Variants in SIK3 observed in about 807,000 individuals in gnomAD.
The protein encoded by SIK3 is serine/threonine-protein kinase SIK3.
SIK3 carries 28 observed loss-of-function variants against 144.2 expected under a neutral mutation model. That is an observed-to-expected ratio of 0.19 (90% CI 0.14 to 0.27). The LOEUF is 0.27. Among genes scored for constraint, SIK3 ranks in the 10% least tolerant of loss-of-function variants. The pLI, the probability that SIK3 is intolerant of heterozygous loss-of-function variation, is 1.00. For synonymous variants in SIK3, 686 were observed against 676.3 expected (o/e 1.01, Z -0.22); for missense variants, 1,319 against 1,776.0 (o/e 0.74, Z 4.62).
At chr11:117,074,664 T>C (rs1300239257) in intron 1 of SIK3, among the ~76,000 whole-genome samples, 1 of 152,204 alleles carries the variant, frequency 6.6e-6, no homozygotes, top group East Asian at 1.9e-4. Flanking sequence ...GGCTCACGCC[T>C]GTAATCCCAG....
intron 15 of SIK3, among the ~76,000 whole-genome samples, chr11:116,866,441 C>CTTTATTTA (rs140007361): frequency 6.6e-6 from 1 of 152,042 alleles, no homozygotes; most frequent in Non-Finnish European, 1.5e-5. Context: ...TCAAAGTGCT[C>CTTTATTTA]TTTATTTATT....
At chr11:117,021,789 C>T (rs765961130) in intron 1 of SIK3, among the ~76,000 whole-genome samples, 6 of 151,450 alleles carry the variant, frequency 4.0e-5, no homozygotes, top group Non-Finnish European at 7.4e-5. Context: ...AAGACGTCAT[C>T]TCTAAAAAAA....
chr11:116,980,190 C>T (rs1950089726), intron 1 of SIK3, among the ~76,000 whole-genome samples: 1 of 152,188 alleles, frequency 6.6e-6, no homozygotes, highest in African/African-American at 2.4e-5. Flanking sequence ...GCCTACCAAA[C>T]ATCATAGCCT....
chr11:117,006,074 C>A (rs1565548347), intron 1 of SIK3, among the ~76,000 whole-genome samples: 1 of 152,170 alleles, frequency 6.6e-6, no homozygotes, highest in Admixed American at 6.5e-5. Flanking sequence ...TCTATACTTT[C>A]ATTTAGAGTT....
At chr11:117,014,005 G>A (rs1344455059) in intron 1 of SIK3, among the ~76,000 whole-genome samples, 1 of 40,528 alleles carries the variant, frequency 2.5e-5, no homozygotes, top group Non-Finnish European at 6.9e-5. Context: ...GAGACAGGAT[G>A]GTCTTGCTCT....
intron 1 of SIK3, among the ~76,000 whole-genome samples, chr11:117,068,569 C>T (rs1373282690): frequency 6.6e-6 from 1 of 152,094 alleles, no homozygotes; most frequent in East Asian, 1.9e-4. Flanking sequence ...GGCAATATAG[C>T]GAGACCCTAT....
chr11:116,962,438 T>A (rs1044779330), intron 1 of SIK3, among the ~76,000 whole-genome samples: 1 of 152,202 alleles, frequency 6.6e-6, no homozygotes, highest in African/African-American at 2.4e-5. Flanking sequence ...AACATTACAG[T>A]TTGAAGAAAA....
intron 9 of SIK3, 93 bp from the exon 10 acceptor site, chr11:116,875,544 T>C (rs867647452): frequency 7.3e-7 from 1 of 1,365,240 alleles, no homozygotes; most frequent in Non-Finnish European, 1.0e-6. Flanking sequence ...AAAGTCTATG[T>C]TTCCCTGATT....
chr11:116,982,799 C>T (rs1054870715), intron 1 of SIK3, among the ~76,000 whole-genome samples: 1 of 151,670 alleles, frequency 6.6e-6, no homozygotes, highest in Non-Finnish European at 1.5e-5. Context: ...CAAAAATTAG[C>T]TGAGCATGGT....
chr11:116,964,831 G>A (rs1162076752), intron 1 of SIK3, among the ~76,000 whole-genome samples: 5 of 151,694 alleles, frequency 3.3e-5, no homozygotes, highest in Admixed American at 2.0e-4. Context: ...GCAGTGAGCC[G>A]AGATGGCGCC....
intron 1 of SIK3, among the ~76,000 whole-genome samples, chr11:116,986,394 T>C (rs973746965): frequency 1.1e-4 from 16 of 152,318 alleles, no homozygotes; most frequent in Middle Eastern, 3.4e-3. Context: ...GTTGTTGTTA[T>C]TATTACCACT....
intron 3 of SIK3, among the ~76,000 whole-genome samples, chr11:116,951,663 A>G (rs540658460): frequency 5.8e-4 from 88 of 152,320 alleles, no homozygotes; most frequent in Non-Finnish European, 1.0e-3. Flanking sequence ...TGCTGGGTGC[A>G]GTAGCTCATG....
At chr11:116,893,527 TAGTC>T (rs201534484) in intron 6 of SIK3, among the ~76,000 whole-genome samples, 2,019 of 151,744 alleles carry the variant, frequency 0.013, 56 homozygotes, top group African/African-American at 0.046. Flanking sequence ...AAAAAAAAAT[TAGTC>T]AGGCATAGTG....
chr11:117,013,915 G>GGGGTGTGTGTGTGTGT (rs1206309055), intron 1 of SIK3, among the ~76,000 whole-genome samples: 1 of 23,652 alleles, frequency 4.2e-5, no homozygotes, highest in African/African-American at 8.7e-5. Flanking sequence ...GGGGGGGGAG[G>GGGGTGTGTGTGTGTGT]GTGTGTGTGT....
At chr11:117,033,989 C>T (rs916004434) in intron 1 of SIK3, among the ~76,000 whole-genome samples, 3 of 152,042 alleles carry the variant, frequency 2.0e-5, no homozygotes, top group African/African-American at 4.8e-5. Flanking sequence ...AATAATCCCA[C>T]GTTCTTCATA....
Position 116,919,093 on chromosome 11 carries a change from A to G in SIK3, c.616+8126T>C, listed in dbSNP as rs980476135. On this transcript the variant is annotated intron_variant, in intron 4 of 24. Transcript: ENST00000445177. ...TGATAGCCTAAAAAGAGGGCATTAG[A>G]ATCATGAAATACAATTTAGATTGAT... 2.0e-5 allele frequency among the ~76,000 whole-genome samples: 3 copies of G among 152,198 alleles called. No individual in the cohort carries two copies. In the East Asian group the frequency reaches 5.8e-4, roughly 29 times the overall value.
intron 1 of SIK3, among the ~76,000 whole-genome samples, chr11:116,978,847 A>G (rs1382135777): frequency 6.6e-6 from 1 of 152,002 alleles, no homozygotes; most frequent in Non-Finnish European, 1.5e-5. Flanking sequence ...GATCCCCACT[A>G]TTTTGGAATA....
At chr11:116,932,513 C>T (rs1947671128) in intron 3 of SIK3, among the ~76,000 whole-genome samples, 1 of 152,178 alleles carries the variant, frequency 6.6e-6, no homozygotes, top group Admixed American at 6.5e-5. Context: ...ACTATTCGGA[C>T]TCAGTCATTA....
chr11:116,926,278 A>G (rs1218322664), intron 4 of SIK3, among the ~76,000 whole-genome samples: 1 of 152,214 alleles, frequency 6.6e-6, no homozygotes, highest in East Asian at 1.9e-4. Context: ...TTATTTTCAT[A>G]TTTACAGTTT....
Sources: gnomAD v4.1 joint callset for allele counts (sites outside exome capture counted in the v4.1 genomes callset) on GRCh38, gnomAD v4.1.1 for gene constraint, MANE v1.5 for transcripts, NCBI Gene and HGNC (gene_info 2026-07-23, HGNC 2026-07-21) for gene names.